The following MKLN1 variants were observed in gnomAD, a reference collection of about 807,000 sequenced individuals.
MKLN1 encodes muskelin.
A neutral mutation model predicts 99.0 loss-of-function variants in MKLN1; 18 were observed. The observed-to-expected ratio is 0.18, with a 90% CI of 0.13 to 0.27. MKLN1 has a LOEUF of 0.27. Among genes scored for constraint, MKLN1 ranks in the 10% least tolerant of loss-of-function variants. MKLN1 has a pLI of 1.00. For missense variants in MKLN1, 621 were observed against 875.9 expected, an observed-to-expected ratio of 0.71 and a Z score of 3.67; for synonymous variants, 288 against 293.2, an observed-to-expected ratio of 0.98 and a Z score of 0.18.
rs186240123 is a variant in MKLN1 at position 131,219,840 on chromosome 7, G to A, written c.-179+16866G>A. ...GGCCAAAAATAGAGAGACAAAAAAA[G>A]TTTCCTCATACTTACTTCAGCTTTT... On this transcript the variant is annotated intron_variant, in intron 3 of 7. Coordinates refer to the MKLN1 transcript ENST00000416992. Among the ~76,000 whole-genome samples the A allele has an allele frequency of 4.9e-3, 741 of 152,236 alleles. 5 individuals are homozygous for A. Among genetic ancestry groups the A allele is most frequent in the African/African-American group, 0.017 (693 of 41,538 alleles).
intron 3 of MKLN1, among the ~76,000 whole-genome samples, chr7:131,245,411 G>C (rs1184595409): frequency 2.0e-5 from 3 of 151,964 alleles, no homozygotes; most frequent in Non-Finnish European, 4.4e-5. Flanking sequence ...GGGATTACAG[G>C]TGCCCACAAC....
At chr7:131,263,745 T>A (rs992406114) in intron 3 of MKLN1, among the ~76,000 whole-genome samples, 1 of 152,016 alleles carries the variant, frequency 6.6e-6, no homozygotes, top group East Asian at 1.9e-4. Context: ...AATTTTTGTA[T>A]TTTTAGTAGA....
chr7:131,356,870 G>A (rs1003394378), intron 1 of MKLN1, among the ~76,000 whole-genome samples: 2 of 152,108 alleles, frequency 1.3e-5, no homozygotes, highest in Non-Finnish European at 2.9e-5. Flanking sequence ...AGGAGAATTC[G>A]AATGAGGGGC....
At chr7:131,111,019 C>T (rs75331344) in intron 1 of MKLN1, among the ~76,000 whole-genome samples, 21 of 152,326 alleles carry the variant, frequency 1.4e-4, no homozygotes, top group Non-Finnish European at 2.8e-4. Flanking sequence ...AGGCTTGGCA[C>T]GTAGGAACAT....
intron 3 of MKLN1, among the ~76,000 whole-genome samples, chr7:131,230,389 A>G (rs1047534625): frequency 6.6e-6 from 1 of 152,106 alleles, no homozygotes; most frequent in Non-Finnish European, 1.5e-5. Flanking sequence ...TTTGATTTAC[A>G]AACTTATTTA....
intron 3 of MKLN1, among the ~76,000 whole-genome samples, chr7:131,226,468 T>C (rs1439382919): frequency 1.3e-5 from 2 of 152,208 alleles, no homozygotes; most frequent in Non-Finnish European, 2.9e-5. Context: ...TCCGCACTTT[T>C]CCTTTTAACT....
At position 131,491,291 on chromosome 7, in the gene MKLN1, G is replaced by A. The variant is rs1797416306; in HGVS notation, c.*3563G>A. 6.6e-6 allele frequency: 1 copy of A among 151,432 alleles called. No individual in the cohort carries two copies. The highest frequency in any genetic ancestry group is 2.1e-4 in the South Asian group (1 of 4,776). The allele number at this position is 151,432 out of a possible 1,614,324, so 9.4% of individuals were successfully genotyped here. A position where few individuals can be genotyped will look rare whatever the true frequency, so the allele number is the denominator to read the frequency against. On this transcript the variant is annotated 3_prime_UTR_variant, in exon 18 of 18. Coordinates refer to ENST00000352689, the MANE Select transcript of MKLN1 (RefSeq NM_013255.5). ...CATTCATCCACAATCTCATCCCTTT[G>A]TAGAAATTCTTGCCTGAATTCTCAC...
At chr7:131,395,762 C>T (rs2116221927) in intron 4 of MKLN1, among the ~76,000 whole-genome samples, 1 of 151,324 alleles carries the variant, frequency 6.6e-6, no homozygotes, top group East Asian at 1.9e-4. Context: ...TCTGGAAAGA[C>T]CATTGGGATT....
At chr7:131,300,089 A>G (rs923200849) in intron 3 of MKLN1, among the ~76,000 whole-genome samples, 3 of 152,132 alleles carry the variant, frequency 2.0e-5, no homozygotes, top group Non-Finnish European at 4.4e-5. Flanking sequence ...ATTATAGTCA[A>G]TTAAGGAGCT....
intron 1 of MKLN1, among the ~76,000 whole-genome samples, chr7:131,122,007 C>T (rs1171194919): frequency 6.6e-6 from 1 of 152,222 alleles, no homozygotes; most frequent in African/African-American, 2.4e-5. Flanking sequence ...GGAGGATCAG[C>T]TCTTTGTTAA....
intron 3 of MKLN1, among the ~76,000 whole-genome samples, chr7:131,256,698 A>T (rs953262790): frequency 1.3e-5 from 2 of 152,238 alleles, no homozygotes; most frequent in Non-Finnish European, 2.9e-5. Flanking sequence ...TAAGTGAATT[A>T]ATGCAGAAAC....
intron 2 of MKLN1, among the ~76,000 whole-genome samples, chr7:131,184,724 A>G (rs1407885781): frequency 6.6e-6 from 1 of 152,040 alleles, no homozygotes; most frequent in Non-Finnish European, 1.5e-5. Context: ...ACAGGGTTTC[A>G]CCACATTGGC....
intron 2 of MKLN1, among the ~76,000 whole-genome samples, chr7:131,174,721 T>C (rs182827030): frequency 1.3e-5 from 2 of 152,316 alleles, no homozygotes; most frequent in East Asian, 3.9e-4. Flanking sequence ...CTCCTGATTG[T>C]TTTAATATAG....
intron 3 of MKLN1, among the ~76,000 whole-genome samples, chr7:131,302,147 C>G (rs550531612): frequency 2.8e-4 from 42 of 152,208 alleles, no homozygotes; most frequent in Non-Finnish European, 5.4e-4. Context: ...TCTATCGCCT[C>G]TATTATATTT....
chr7:131,156,465 A>AAG (rs1795967070), intron 2 of MKLN1, among the ~76,000 whole-genome samples: 1 of 151,294 alleles, frequency 6.6e-6, no homozygotes, highest in Non-Finnish European at 1.5e-5. Context: ...AAAAAAAAAA[A>AAG]AAAAAGAAAA....
chr7:131,444,823 A>T (rs917890032), intron 11 of MKLN1, among the ~76,000 whole-genome samples: 3 of 146,920 alleles, frequency 2.0e-5, no homozygotes, highest in Non-Finnish European at 3.0e-5. Context: ...GTAGTAGTAG[A>T]AGTGGAAGTG....
chr7:131,481,447 A>G (rs1275328496), intron 17 of MKLN1, among the ~76,000 whole-genome samples: 1 of 152,174 alleles, frequency 6.6e-6, no homozygotes, highest in Admixed American at 6.5e-5. Flanking sequence ...CATGCTTGTA[A>G]TCTCAACACT....
chr7:131,315,648 GCTTGAAATTCTCA>G (rs1798653521), intron 3 of MKLN1, among the ~76,000 whole-genome samples: 1 of 152,158 alleles, frequency 6.6e-6, no homozygotes, highest in African/African-American at 2.4e-5. Flanking sequence ...AGAACCACTG[GCTTGAAATTCTCA>G]CTGCCAGCAC....
chr7:131,449,250 A>G (rs987148423), intron 12 of MKLN1, among the ~76,000 whole-genome samples: 2 of 152,216 alleles, frequency 1.3e-5, no homozygotes, highest in African/African-American at 4.8e-5. Context: ...ACTGGTACGT[A>G]TTGAGGATTG....
Sources: gnomAD v4.1 joint callset for allele counts (sites outside exome capture counted in the v4.1 genomes callset) on GRCh38, gnomAD v4.1.1 for gene constraint, MANE v1.5 for transcripts, NCBI Gene and HGNC (gene_info 2026-07-23, HGNC 2026-07-21) for gene names.